CUL1: variants seen among roughly 807,000 people sequenced by gnomAD.
The protein encoded by CUL1 is cullin 1.
A neutral mutation model predicts 118.0 loss-of-function variants in CUL1; 24 were observed. The observed-to-expected ratio is 0.20, with a 90% CI of 0.15 to 0.29. CUL1 has a LOEUF of 0.29. Ranked by LOEUF, CUL1 falls within the 10% of genes least tolerant of loss-of-function variation. The pLI, the probability that CUL1 is intolerant of heterozygous loss-of-function variation, is 1.00. For synonymous variants in CUL1, 332 were observed against 340.4 expected, an observed-to-expected ratio of 0.98 and a Z score of 0.27; for missense variants, 361 against 933.8, an observed-to-expected ratio of 0.39 and a Z score of 7.99.
At chr7:148,707,499 A>C (rs1797921669) in intron 1 of CUL1, among the ~76,000 whole-genome samples, 1 of 152,012 alleles carries the variant, frequency 6.6e-6, no homozygotes, top group South Asian at 2.1e-4. Flanking sequence ...ATTTTTTTAA[A>C]TAATAATTTT....
At chr7:148,799,954 TA>T (rs562965959) in intron 21 of CUL1, among the ~76,000 whole-genome samples, 46 of 152,334 alleles carry the variant, frequency 3.0e-4, no homozygotes, top group Non-Finnish European at 6.3e-4. Flanking sequence ...TGGGTTTGTT[TA>T]AAATGGTAAC....
chr7:148,755,071 C>G (rs1799613738), intron 3 of CUL1, among the ~76,000 whole-genome samples: 1 of 152,204 alleles, frequency 6.6e-6, no homozygotes, highest in Non-Finnish European at 1.5e-5. Context: ...TATTTCAAAA[C>G]TGCTGTGAAA....
At chr7:148,772,797 G>A (rs1274699497) in intron 9 of CUL1, among the ~76,000 whole-genome samples, 2 of 152,094 alleles carry the variant, frequency 1.3e-5, no homozygotes, top group Non-Finnish European at 2.9e-5. Flanking sequence ...TTCATCATAA[G>A]CATTAGTAAT....
chr7:148,730,091 C>T lies in CUL1; in HGVS notation c.-32C>T, dbSNP rs1798707081. The T allele has an allele frequency of 1.2e-6, 2 of 1,601,412 alleles. No homozygotes were observed. The highest frequency in any genetic ancestry group is 2.2e-5 in the East Asian group (1 of 44,612). ...CTAGCTGTACTTTGAATAAGGATTG[C>T]TGCACTGGACGACTTTAGAACATCC... On this transcript the variant is annotated 5_prime_UTR_variant, in exon 2 of 22. Transcript: ENST00000325222.
At chr7:148,732,049 G>T (rs970350763) in intron 2 of CUL1, among the ~76,000 whole-genome samples, 1 of 152,154 alleles carries the variant, frequency 6.6e-6, no homozygotes, top group Non-Finnish European at 1.5e-5. Context: ...GGATTGCAGG[G>T]TGCTATGATG....
intron 1 of CUL1, among the ~76,000 whole-genome samples, chr7:148,700,267 C>T (rs987992621): frequency 2.0e-5 from 3 of 152,158 alleles, no homozygotes; most frequent in African/African-American, 7.2e-5. Context: ...ATGCACTTAA[C>T]GAAGCGGCAG....
intron 2 of CUL1, among the ~76,000 whole-genome samples, chr7:148,751,286 T>TCCTAGCAACTTTGGTG (rs1799482365): frequency 6.6e-6 from 1 of 151,966 alleles, no homozygotes; most frequent in South Asian, 2.1e-4. Flanking sequence ...GTGGCTCACA[T>TCCTAGCAACTTTGGTG]CTGTAATCCT....
At position 148,783,893 on chromosome 7, in the gene CUL1, A is replaced by G. The variant is rs944932773; in HGVS notation, c.1191+3A>G. On this transcript the variant is annotated splice_donor_region_variant and intron_variant, in intron 10 of 21. Coordinates refer to ENST00000325222, the MANE Select transcript of CUL1 (RefSeq NM_003592.3). Reference sequence around the variant, plus strand: ...GCTTTGTGGCTGCTCTTGATAAGGTAGGTGCGTGAGGGTTGTGACTTGCCT... The same window carrying G: ...GCTTTGTGGCTGCTCTTGATAAGGTGGGTGCGTGAGGGTTGTGACTTGCCT... 1.2e-6 allele frequency: 2 copies of G among 1,614,022 alleles called. No individual in the cohort carries two copies. Among genetic ancestry groups the G allele is most frequent in the Middle Eastern group, 3.3e-4 (2 of 6,062 alleles).
chr7:148,748,415 G>A (rs551962960), intron 2 of CUL1, among the ~76,000 whole-genome samples: 19 of 152,240 alleles, frequency 1.2e-4, no homozygotes, highest in African/African-American at 3.9e-4. Context: ...AGTTTCTAAG[G>A]CAATGTTGTT....
At position 148,783,860 on chromosome 7, in the gene CUL1, T is replaced by C; in HGVS notation, c.1161T>C (p.Asn387=). The C allele has an allele frequency of 6.2e-7, 1 of 1,614,230 alleles. No individual in the cohort carries two copies. Among genetic ancestry groups the C allele is most frequent in the South Asian group, 1.1e-5 (1 of 91,090 alleles). Residue 387 remains asparagine (N), a synonymous_variant, in exon 10 of 22, where the codon AAT becomes AAC. Coordinates refer to ENST00000325222, the MANE Select transcript of CUL1 (RefSeq NM_003592.3). ...CCCTGGTAATGTCTGCATTCAACAA[T>C]GACGCTGGCTTTGTGGCTGCTCTTG... ...YNALVMSAFN[N]DAGFVAALDK...
chr7:148,785,391 C>T (rs1340054567), intron 11 of CUL1, among the ~76,000 whole-genome samples: 4 of 151,900 alleles, frequency 2.6e-5, no homozygotes, highest in African/African-American at 9.7e-5. Context: ...CTTAGTCTTA[C>T]TCTGTCGCCC....
Position 148,702,034 on chromosome 7 carries a change from G to A in CUL1, c.-162+3005G>A, listed in dbSNP as rs188407909. Among the ~76,000 whole-genome samples, 3 of 152,264 alleles carry A rather than the reference G, an allele frequency of 2.0e-5. No homozygotes were observed. The East Asian group carries it at 5.8e-4, about 29-fold the overall frequency. ...TTGCCTTGCTTTTTAAAAACATTTG[G>A]TAGTTTATCAGTGTGTTTGTTTTGC... is the stretch of plus-strand genomic sequence containing the variant. On this transcript the variant is annotated intron_variant, in intron 1 of 21. Coordinates refer to ENST00000325222, the MANE Select transcript of CUL1 (RefSeq NM_003592.3).
In CUL1 at chr7:148,765,628, T is replaced by C. The variant is rs117306237; in HGVS notation, c.790-933T>C. Among the ~76,000 whole-genome samples, 170 of 152,294 alleles carry C rather than the reference T, an allele frequency of 1.1e-3. 2 individuals are homozygous for C. The East Asian group carries it at 0.03, about 27-fold the overall frequency. ...CCTGGGAGACAGAGCCAAGATCCTGTCTCTGAAAAAAATATATTTAAAACA... is the reference window on the plus strand; with the variant it reads ...CCTGGGAGACAGAGCCAAGATCCTGCCTCTGAAAAAAATATATTTAAAACA... On this transcript the variant is annotated intron_variant, in intron 7 of 21. Transcript: ENST00000325222.
chr7:148,792,117 C>T (rs549745499), intron 16 of CUL1, among the ~76,000 whole-genome samples: 123 of 151,306 alleles, frequency 8.1e-4, no homozygotes, highest in South Asian at 1.9e-3. Flanking sequence ...ACCTGGGAGG[C>T]GGAGGTTGCA....
intron 1 of CUL1, among the ~76,000 whole-genome samples, chr7:148,707,930 C>T (rs949308794): frequency 6.6e-6 from 1 of 152,172 alleles, no homozygotes; most frequent in Non-Finnish European, 1.5e-5. Context: ...TAGGAAGCAT[C>T]ACCAGGTCTG....
chr7:148,754,369 C>T, intron 3 of CUL1, among the ~76,000 whole-genome samples: 1 of 152,158 alleles, frequency 6.6e-6, no homozygotes, highest in East Asian at 1.9e-4. Context: ...GGAGATCTCA[C>T]TATGTTGCCC....
intron 1 of CUL1, among the ~76,000 whole-genome samples, chr7:148,725,211 A>ACACACACACACG (rs1554463773): frequency 1.2e-4 from 17 of 143,270 alleles, no homozygotes; most frequent in Admixed American, 1.1e-3. Context: ...ACACACACAC[A>ACACACACACACG]CGCGCGCGCT....
chr7:148,705,484 A>G (rs985277098), intron 1 of CUL1, among the ~76,000 whole-genome samples: 5 of 152,238 alleles, frequency 3.3e-5, no homozygotes, highest in African/African-American at 1.2e-4. Context: ...TAATTATGAG[A>G]AAACCGTTGC....
intron 2 of CUL1, among the ~76,000 whole-genome samples, chr7:148,734,969 C>T (rs926815897): frequency 3.9e-5 from 6 of 152,008 alleles, no homozygotes; most frequent in Non-Finnish European, 7.4e-5. Flanking sequence ...TTCTATTTGT[C>T]TTCCTGTACA....
Sources: gnomAD v4.1 joint callset for allele counts (sites outside exome capture counted in the v4.1 genomes callset) on GRCh38, gnomAD v4.1.1 for gene constraint, MANE v1.5 for transcripts, NCBI Gene and HGNC (gene_info 2026-07-23, HGNC 2026-07-21) for gene names.